The following BLNK variants were observed in gnomAD, a reference collection of about 807,000 sequenced individuals.
BLNK encodes the protein B cell linker.
In BLNK, 29 loss-of-function variants were observed where a neutral mutation model predicts 73.5. The ratio of observed to expected loss-of-function variants is 0.39; its 90% confidence interval spans 0.29 to 0.54. The LOEUF (loss-of-function observed/expected upper bound fraction) is 0.54, where lower values mean the gene tolerates loss of function less well. Among genes scored for constraint, BLNK ranks in the 20% least tolerant of loss-of-function variants. The pLI, the probability that BLNK is intolerant of heterozygous loss-of-function variation, is 0.61. For synonymous variants in BLNK, 176 were observed against 200.8 expected (o/e 0.88, Z 1.04); for missense variants, 460 against 562.8 (o/e 0.82, Z 1.85).
intron 1 of BLNK, among the ~76,000 whole-genome samples, chr10:96,267,653 G>A (rs1407208303): frequency 6.6e-6 from 1 of 152,192 alleles, no homozygotes; most frequent in Non-Finnish European, 1.5e-5. Flanking sequence ...AACATTATTA[G>A]TCACTTAGAT....
At chr10:96,266,207 G>A (rs115736754) in intron 1 of BLNK, among the ~76,000 whole-genome samples, 3,015 of 152,288 alleles carry the variant, frequency 0.02, 95 homozygotes, top group African/African-American at 0.068. Context: ...ACAAGAGATC[G>A]TCTGTAAATA....
At chr10:96,209,976 G>T in intron 8 of BLNK, 69 bp from the exon 9 acceptor site, 1 of 1,515,924 alleles carries the variant, frequency 6.6e-7, no homozygotes, top group Non-Finnish European at 9.2e-7. Context: ...ACTGAGGCTG[G>T]CCTCTCTGGC....
In BLNK at chr10:96,204,343, G is replaced by T. The variant is rs782125820; in HGVS notation, c.902+189C>A. The T allele has an allele frequency of 5.5e-6, 4 of 724,542 alleles. No homozygotes were observed. The South Asian group carries it at 6.8e-5, about 12-fold the overall frequency. 44.9% of individuals were successfully genotyped at this position (724,542 alleles called of 1,614,324 possible). A position where few individuals can be genotyped will look rare whatever the true frequency, so the allele number is the denominator to read the frequency against. On this transcript the variant is annotated intron_variant, in intron 12 of 16. Transcript: ENST00000224337. The stretch of plus-strand genomic sequence containing the variant: ...TCAAGTTCAATAATTAACCCAATTA[G>T]TAGGTCTCTGCAACTCTACACAGTT...
chr10:96,219,409 A>G (rs1278296381), intron 6 of BLNK, among the ~76,000 whole-genome samples: 3 of 152,232 alleles, frequency 2.0e-5, no homozygotes, highest in African/African-American at 4.8e-5. Context: ...GTTAGTTCCT[A>G]TAAAAGGAGA....
chr10:96,237,066 C>A (rs1243320039), intron 3 of BLNK, among the ~76,000 whole-genome samples: 1 of 152,126 alleles, frequency 6.6e-6, no homozygotes, highest in African/African-American at 2.4e-5. Flanking sequence ...CTTTAAAATA[C>A]CTTTGAGCCC....
At chr10:96,224,784 G>A (rs1036639558) in intron 5 of BLNK, among the ~76,000 whole-genome samples, 7 of 152,044 alleles carry the variant, frequency 4.6e-5, no homozygotes, top group African/African-American at 9.7e-5. Context: ...TGCAACCTCC[G>A]CCTCCCAGGT....
At chr10:96,227,824 T>A (rs1210446799) in intron 4 of BLNK, among the ~76,000 whole-genome samples, 1 of 152,200 alleles carries the variant, frequency 6.6e-6, no homozygotes, top group African/African-American at 2.4e-5. Context: ...GAGCTGACAC[T>A]CTGTAGATCC....
intron 1 of BLNK, among the ~76,000 whole-genome samples, chr10:96,255,127 T>C (rs1397705340): frequency 6.6e-6 from 1 of 152,064 alleles, no homozygotes; most frequent in Non-Finnish European, 1.5e-5. Context: ...GAGGAATCCA[T>C]AGTGAGAATC....
At chr10:96,203,328 T>A (rs1171789615) in intron 13 of BLNK, among the ~76,000 whole-genome samples, 1 of 152,176 alleles carries the variant, frequency 6.6e-6, no homozygotes, top group African/African-American at 2.4e-5. Context: ...TTATTTAAGA[T>A]GAATATTATT....
intron 2 of BLNK, among the ~76,000 whole-genome samples, chr10:96,243,564 C>T (rs1000724464): frequency 3.3e-5 from 5 of 151,960 alleles, no homozygotes; most frequent in African/African-American, 9.7e-5. Context: ...GAAAAAAAGC[C>T]GAACAAGTGA....
chr10:96,227,860 A>G (rs1842337686), intron 4 of BLNK, among the ~76,000 whole-genome samples: 1 of 152,200 alleles, frequency 6.6e-6, no homozygotes, highest in South Asian at 2.1e-4. Flanking sequence ...AGGAGATAAT[A>G]AAACATATTT....
chr10:96,260,144 C>A (rs1843690419), intron 1 of BLNK, among the ~76,000 whole-genome samples: 2 of 152,154 alleles, frequency 1.3e-5, no homozygotes, highest in African/African-American at 4.8e-5. Flanking sequence ...AGGAAAACTT[C>A]CTCACAAAAC....
intron 1 of BLNK, among the ~76,000 whole-genome samples, chr10:96,259,883 T>C (rs1843680393): frequency 6.6e-6 from 1 of 151,914 alleles, no homozygotes; most frequent in African/African-American, 2.4e-5. Flanking sequence ...TCAGAGGCAG[T>C]TATGCATCAG....
chr10:96,224,911 T>C (rs2084283596), intron 5 of BLNK, among the ~76,000 whole-genome samples: 3 of 152,084 alleles, frequency 2.0e-5, no homozygotes, highest in Admixed American at 2.0e-4. Context: ...TTGGCCAGGC[T>C]GGTTTTGAAC....
intron 7 of BLNK, 188 bp downstream of exon 7, chr10:96,216,465 T>C: frequency 3.1e-6 from 2 of 640,068 alleles, no homozygotes; most frequent in South Asian, 1.8e-5. Flanking sequence ...GGAAGGGCTA[T>C]GATACACAGA....
At chr10:96,259,838 T>A (rs1554912292) in intron 1 of BLNK, among the ~76,000 whole-genome samples, 2 of 151,936 alleles carry the variant, frequency 1.3e-5, no homozygotes, top group Non-Finnish European at 2.9e-5. Context: ...ACTAATACCC[T>A]GTGTCCTTCA....
chr10:96,246,975 C>T lies in BLNK; in HGVS notation c.113+9G>A, dbSNP rs782219800. The T allele has an allele frequency of 2.2e-5, 35 of 1,580,326 alleles. No individual in the cohort carries two copies. Among genetic ancestry groups the T allele is most frequent in the South Asian group, 6.8e-5 (6 of 88,866 alleles). ...ATATAATTAAGTATTTAAATAGAGGCGAACTTACTTTTTGATTTTATTCAT... is the reference window on the plus strand; with the variant it reads ...ATATAATTAAGTATTTAAATAGAGGTGAACTTACTTTTTGATTTTATTCAT... On this transcript the variant is annotated intron_variant, in intron 2 of 16. Transcript: ENST00000224337.
intron 6 of BLNK, among the ~76,000 whole-genome samples, chr10:96,219,342 G>A (rs1171753357): frequency 2.0e-5 from 3 of 152,134 alleles, no homozygotes; most frequent in African/African-American, 7.2e-5. Context: ...TCACCTTTTC[G>A]GATTCATTAG....
intron 8 of BLNK, among the ~76,000 whole-genome samples, 177 bp downstream of exon 8, chr10:96,215,144 C>T (rs1554899558): frequency 1.3e-5 from 2 of 152,144 alleles, no homozygotes; most frequent in South Asian, 4.2e-4. Context: ...TGCCAAAAGG[C>T]CTGGGGAAAT....
Sources: gnomAD v4.1 joint callset for allele counts (sites outside exome capture counted in the v4.1 genomes callset) on GRCh38, gnomAD v4.1.1 for gene constraint, MANE v1.5 for transcripts, NCBI Gene and HGNC (gene_info 2026-07-23, HGNC 2026-07-21) for gene names.